Variants in RABGAP1L observed in about 807,000 individuals in gnomAD.
The protein encoded by RABGAP1L is rab GTPase-activating protein 1-like.
Under a neutral mutation model 137.7 loss-of-function variants are expected in RABGAP1L, and 63 were observed. The observed-to-expected ratio is 0.46, with a 90% CI of 0.37 to 0.56. The LOEUF is 0.56. Among genes scored for constraint, RABGAP1L ranks in the 20% least tolerant of loss-of-function variants. The pLI, the probability that RABGAP1L is intolerant of heterozygous loss-of-function variation, is 0.00. For missense variants in RABGAP1L, 1,095 were observed against 1,244.0 expected (o/e 0.88, Z 1.80); for synonymous variants, 431 against 433.7 (o/e 0.99, Z 0.08).
chr1:174,470,186 A>G lies in RABGAP1L; in HGVS notation c.1710+76041A>G, dbSNP rs568161550. Among the ~76,000 whole-genome samples the G allele has an allele frequency of 2.0e-5, 3 of 152,226 alleles. No individual in the cohort carries two copies. In the South Asian group the frequency reaches 6.2e-4, roughly 32 times the overall value. On this transcript the variant is annotated intron_variant, in intron 13 of 25. Coordinates refer to ENST00000681986, the MANE Select transcript of RABGAP1L (RefSeq NM_001366446.1). ...AGAATAGATATCATTCCATGTATTG[A>G]TCCATCTTTTTCTCACTTCTCTATC... is the stretch of plus-strand genomic sequence containing the variant.
At chr1:174,233,191 TTC>T (rs969204729) in intron 4 of RABGAP1L, among the ~76,000 whole-genome samples, 1 of 152,170 alleles carries the variant, frequency 6.6e-6, no homozygotes, top group African/African-American at 2.4e-5. Flanking sequence ...CCCTCCTCCC[TTC>T]TCTCTCTTCA....
At chr1:174,507,234 G>A (rs1211455473) in intron 13 of RABGAP1L, among the ~76,000 whole-genome samples, 1 of 152,140 alleles carries the variant, frequency 6.6e-6, no homozygotes, top group African/African-American at 2.4e-5. Context: ...TAATAGTATA[G>A]TACTGTTTTA....
chr1:174,620,628 C>T (rs1672363149), intron 13 of RABGAP1L, among the ~76,000 whole-genome samples: 1 of 151,944 alleles, frequency 6.6e-6, no homozygotes, highest in Non-Finnish European at 1.5e-5. Flanking sequence ...GGGACACATT[C>T]AAAGCAGTGT....
At chr1:174,706,453 A>G (rs1418296945) in intron 17 of RABGAP1L, among the ~76,000 whole-genome samples, 1 of 152,142 alleles carries the variant, frequency 6.6e-6, no homozygotes, top group Non-Finnish European at 1.5e-5. Flanking sequence ...AAACAAACCT[A>G]TATCTTATTA....
chr1:174,832,288 ATC>A (rs1390195139), intron 19 of RABGAP1L, among the ~76,000 whole-genome samples: 1 of 146,134 alleles, frequency 6.8e-6, no homozygotes, highest in African/African-American at 2.5e-5. Flanking sequence ...GCAAGACTCT[ATC>A]TCAAAAAAGA....
intron 15 of RABGAP1L, among the ~76,000 whole-genome samples, chr1:174,694,898 G>C (rs1205279335): frequency 1.3e-5 from 2 of 151,692 alleles, no homozygotes; most frequent in Non-Finnish European, 2.9e-5. Flanking sequence ...CATTCTAACT[G>C]GTGTGAGATG....
At chr1:174,755,502 CAG>C (rs1016910718) in intron 18 of RABGAP1L, among the ~76,000 whole-genome samples, 1 of 152,148 alleles carries the variant, frequency 6.6e-6, no homozygotes, top group Non-Finnish European at 1.5e-5. Flanking sequence ...AAGCAAATGA[CAG>C]AGTGTTTTTC....
chr1:174,656,706 A>G (rs1676000136), intron 14 of RABGAP1L, among the ~76,000 whole-genome samples: 1 of 152,226 alleles, frequency 6.6e-6, no homozygotes, highest in Non-Finnish European at 1.5e-5. Context: ...TTGATTGGTT[A>G]CTGACTTTTG....
At chr1:174,935,698 T>C (rs989599453) in intron 19 of RABGAP1L, among the ~76,000 whole-genome samples, 1 of 152,124 alleles carries the variant, frequency 6.6e-6, no homozygotes, top group Admixed American at 6.6e-5. Flanking sequence ...AGAATAAATC[T>C]TGGCCAGGCA....
At chr1:174,531,444 A>G (rs547825702) in intron 13 of RABGAP1L, among the ~76,000 whole-genome samples, 9 of 152,344 alleles carry the variant, frequency 5.9e-5, no homozygotes, top group Non-Finnish European at 8.8e-5. Context: ...AGATAAAAAT[A>G]GGAAAAATAT....
chr1:174,280,485 TTAGACCAGACTCCTGGG>T (rs1309505229), intron 10 of RABGAP1L, among the ~76,000 whole-genome samples: 1 of 152,194 alleles, frequency 6.6e-6, no homozygotes, highest in East Asian at 1.9e-4. Flanking sequence ...CCAGACAGGA[TTAGACCAGACTCCTGGG>T]GGCAACACCA....
chr1:174,565,690 G>A (rs1667528227), intron 13 of RABGAP1L, among the ~76,000 whole-genome samples: 1 of 152,100 alleles, frequency 6.6e-6, no homozygotes. Context: ...AGTTGTGCTG[G>A]TTTGTATAGC....
intron 19 of RABGAP1L, among the ~76,000 whole-genome samples, chr1:174,925,805 T>A (rs762588507): frequency 1.1e-4 from 16 of 148,652 alleles, no homozygotes; most frequent in Non-Finnish European, 2.2e-4. Flanking sequence ...TAATGTGAGA[T>A]AGAGAACCTG....
chr1:174,692,502 CA>C (rs1356208887), intron 15 of RABGAP1L, among the ~76,000 whole-genome samples: 6 of 152,122 alleles, frequency 3.9e-5, no homozygotes, highest in Admixed American at 2.0e-4. Flanking sequence ...CTTGAAACTG[CA>C]GTTTGTCTGA....
At chr1:174,776,020 G>T (rs1430581130) in intron 18 of RABGAP1L, among the ~76,000 whole-genome samples, 1 of 152,066 alleles carries the variant, frequency 6.6e-6, no homozygotes, top group African/African-American at 2.4e-5. Context: ...CTGTCCCCTG[G>T]TTCTAATTTC....
intron 11 of RABGAP1L, chr1:174,367,204 T>A (rs1684712705): frequency 2.0e-5 from 3 of 152,762 alleles, no homozygotes; most frequent in Admixed American, 2.0e-4. Context: ...TCTGTCTGTT[T>A]TCCAACACTA....
intron 24 of RABGAP1L, among the ~76,000 whole-genome samples, chr1:174,983,255 A>C (rs1311500831): frequency 6.6e-6 from 1 of 151,460 alleles, no homozygotes; most frequent in Non-Finnish European, 1.5e-5. Flanking sequence ...TCAGTATGGG[A>C]CTCAGTAGGA....
intron 20 of RABGAP1L, among the ~76,000 whole-genome samples, chr1:174,963,589 T>C (rs1669358705): frequency 6.6e-6 from 1 of 151,744 alleles, no homozygotes; most frequent in Non-Finnish European, 1.5e-5. Flanking sequence ...CTGACACTAA[T>C]ATGTTTCTAT....
chr1:174,914,843 T>C (rs2149207470), intron 19 of RABGAP1L, among the ~76,000 whole-genome samples: 1 of 152,252 alleles, frequency 6.6e-6, no homozygotes, highest in East Asian at 1.9e-4. Context: ...ACCCCCCAGA[T>C]CCATTCACCC....
Sources: allele counts gnomAD v4.1 joint callset (sites outside exome capture counted in the v4.1 genomes callset), GRCh38; gene constraint gnomAD v4.1.1; transcripts MANE v1.5; gene names NCBI Gene and HGNC (gene_info 2026-07-23, HGNC 2026-07-21).